The following NSUN6 variants were observed in gnomAD, a reference collection of about 807,000 sequenced individuals.
The protein encoded by NSUN6 is NOP2/Sun RNA methyltransferase 6.
Under a neutral mutation model 58.0 loss-of-function variants are expected in NSUN6, and 64 were observed. That is an observed-to-expected ratio of 1.10 (90% confidence interval 0.90 to 1.36). The LOEUF (loss-of-function observed/expected upper bound fraction) is 1.36, where lower values mean the gene tolerates loss of function less well. Ranked by LOEUF, NSUN6 falls within the 40% of genes most tolerant of loss-of-function variation. The pLI is 0.00. For missense variants in NSUN6, 701 were observed against 550.1 expected (o/e 1.27, Z -2.74); for synonymous variants, 231 against 193.9 (o/e 1.19, Z -1.59).
intron 8 of NSUN6, among the ~76,000 whole-genome samples, chr10:18,567,545 A>G (rs1589885931): frequency 6.9e-6 from 1 of 145,666 alleles, no homozygotes; most frequent in African/African-American, 2.6e-5. Flanking sequence ...TCTCCATTCC[A>G]TTCTCTTCCA....
In NSUN6 at chr10:18,639,894, T is replaced by C. The variant is rs142484587; in HGVS notation, c.311+2582A>G. ...TCTGGTAATATGTCTCCAACTAAAA[T>C]AAGCACAGACCTTTGAACTGGTTAT... On this transcript the variant is annotated intron_variant, in intron 3 of 10. Transcript: ENST00000377304. Among the ~76,000 whole-genome samples, 292 of 152,344 alleles carry C rather than the reference T, an allele frequency of 1.9e-3. 3 individuals are homozygous for C. Among genetic ancestry groups the C allele is most frequent in the African/African-American group, 6.7e-3 (279 of 41,582 alleles).
chr10:18,653,252 T>A (rs926758016), upstream of NSUN6: 3 of 983,890 alleles, frequency 3.0e-6, no homozygotes, highest in East Asian at 2.3e-4. Flanking sequence ...AAATACTTAC[T>A]GAATGACTAA....
At chr10:18,653,385 T>A, upstream of NSUN6, 1 of 925,252 alleles carries the variant, frequency 1.1e-6, no homozygotes, top group Non-Finnish European at 1.3e-6. Flanking sequence ...CTTTTTTGTT[T>A]GTTTGAGATG....
chr10:18,646,334 T>C (rs1472301167), intron 2 of NSUN6, among the ~76,000 whole-genome samples: 1 of 152,174 alleles, frequency 6.6e-6, no homozygotes, highest in Non-Finnish European at 1.5e-5. Flanking sequence ...ATCCACAGCC[T>C]AAAACCTCCT....
chr10:18,640,897 C>A (rs1434454242), intron 3 of NSUN6, among the ~76,000 whole-genome samples: 4 of 150,822 alleles, frequency 2.7e-5, no homozygotes, highest in African/African-American at 9.7e-5. Context: ...ATGAAAATTT[C>A]CTTTTATTTC....
intron 3 of NSUN6, among the ~76,000 whole-genome samples, chr10:18,641,890 G>A (rs1023291663): frequency 2.0e-5 from 3 of 152,030 alleles, no homozygotes; most frequent in Non-Finnish European, 4.4e-5. Context: ...GACACATAGT[G>A]TGACTGTTTC....
chr10:18,557,217 AAG>A (rs2055096526), intron 8 of NSUN6, among the ~76,000 whole-genome samples: 1 of 151,008 alleles, frequency 6.6e-6, no homozygotes, highest in African/African-American at 2.4e-5. Context: ...CAATGGAGAA[AAG>A]AGAACATGGA....
Position 18,571,630 on chromosome 10 carries a change from T to C in NSUN6, c.922+14319A>G, listed in dbSNP as rs538417721. ...CATTCCATTCTCCCATTCCATTCCA[T>C]TCTCCACTGCACTGCACTCCATTTC... On this transcript the variant is annotated intron_variant, in intron 8 of 10. Coordinates refer to ENST00000377304, the MANE Select transcript of NSUN6 (RefSeq NM_182543.5). Among the ~76,000 whole-genome samples the C allele has an allele frequency of 3.3e-5, 5 of 150,984 alleles. No individual in the cohort carries two copies. The South Asian group carries it at 1.0e-3, about 32-fold the overall frequency.
chr10:18,636,376 A>G (rs1266597517), intron 3 of NSUN6, among the ~76,000 whole-genome samples: 1 of 151,346 alleles, frequency 6.6e-6, no homozygotes, highest in Non-Finnish European at 1.5e-5. Context: ...AAAAAAAAAA[A>G]CTGGCCGGCC....
intron 3 of NSUN6, among the ~76,000 whole-genome samples, chr10:18,635,376 G>C (rs1383735160): frequency 6.6e-6 from 1 of 152,162 alleles, no homozygotes; most frequent in Non-Finnish European, 1.5e-5. Context: ...CACTAAACCT[G>C]AGGGCTGTCT....
upstream of NSUN6, among the ~76,000 whole-genome samples, chr10:18,653,655 G>A (rs1050736251): frequency 1.8e-4 from 27 of 152,208 alleles, no homozygotes; most frequent in Admixed American, 1.8e-3. Context: ...TTACAGGCGT[G>A]AGCCACCACA....
chr10:18,642,589 A>T (rs757587001), intron 2 of NSUN6, 34 bp from the exon 3 acceptor site: 11 of 938,510 alleles, frequency 1.2e-5, no homozygotes, highest in Non-Finnish European at 1.9e-5. Context: ...AAAGTAATCC[A>T]TACATTTGAT....
chr10:18,547,808 A>C (rs2054373166), intron 10 of NSUN6, among the ~76,000 whole-genome samples: 1 of 152,172 alleles, frequency 6.6e-6, no homozygotes, highest in Non-Finnish European at 1.5e-5. Context: ...AGGAGAAAAA[A>C]ATCTTTTTAG....
At chr10:18,560,052 GAA>G (rs2055368871) in intron 8 of NSUN6, among the ~76,000 whole-genome samples, 1 of 95,514 alleles carries the variant, frequency 1.0e-5, no homozygotes, top group African/African-American at 4.3e-5. Flanking sequence ...ATGGAGAATG[GAA>G]TGAAATGGAA....
intron 6 of NSUN6, among the ~76,000 whole-genome samples, chr10:18,598,732 T>C (rs963854131): frequency 2.6e-5 from 4 of 151,966 alleles, no homozygotes; most frequent in Non-Finnish European, 5.9e-5. Context: ...TCCCAAAGTG[T>C]TGGGATTACA....
chr10:18,595,152 C>T (rs1420397525), intron 7 of NSUN6, among the ~76,000 whole-genome samples: 1 of 152,142 alleles, frequency 6.6e-6, no homozygotes, highest in Admixed American at 6.5e-5. Context: ...CAGAAACACC[C>T]AATTCACCTG....
intron 6 of NSUN6, among the ~76,000 whole-genome samples, chr10:18,600,959 T>TACATAC (rs1554869995): frequency 1.5e-5 from 1 of 64,926 alleles, no homozygotes; most frequent in East Asian, 8.7e-4. Context: ...TATATATATA[T>TACATAC]ACATATATAT....
intron 5 of NSUN6, among the ~76,000 whole-genome samples, chr10:18,612,467 C>G (rs906714552): frequency 1.3e-5 from 2 of 152,130 alleles, no homozygotes; most frequent in Admixed American, 6.5e-5. Flanking sequence ...GGTACTCTTA[C>G]CTTGATCAAT....
chr10:18,647,735 T>G (rs948994928), intron 2 of NSUN6, among the ~76,000 whole-genome samples: 19 of 136,652 alleles, frequency 1.4e-4, no homozygotes, highest in Non-Finnish European at 2.2e-4. Flanking sequence ...GTTTTTTTTT[T>G]TTTTTTTTTT....
Sources: allele counts gnomAD v4.1 joint callset (sites outside exome capture counted in the v4.1 genomes callset), GRCh38; gene constraint gnomAD v4.1.1; transcripts MANE v1.5; gene names NCBI Gene and HGNC (gene_info 2026-07-23, HGNC 2026-07-21).